MYH10: variants seen among roughly 807,000 people sequenced by gnomAD.
MYH10 encodes the protein myosin-10.
A neutral mutation model predicts 257.8 loss-of-function variants in MYH10; 55 were observed. That is an observed-to-expected ratio of 0.21 (90% confidence interval 0.17 to 0.27). The LOEUF (loss-of-function observed/expected upper bound fraction) is 0.27, where lower values mean the gene tolerates loss of function less well. Ranked by LOEUF, MYH10 falls within the 10% of genes least tolerant of loss-of-function variation. The pLI is 1.00. For synonymous variants in MYH10, 854 were observed against 921.7 expected (o/e 0.93, Z 1.33); for missense variants, 1,631 against 2,500.6 (o/e 0.65, Z 7.42).
chr17:8,590,243 T>C (rs984077908), intron 3 of MYH10, among the ~76,000 whole-genome samples: 17 of 152,212 alleles, frequency 1.1e-4, no homozygotes, highest in African/African-American at 4.1e-4. Flanking sequence ...AACAAATCCA[T>C]TCATATACTC....
chr17:8,619,811 A>C (rs2085398668), intron 2 of MYH10, among the ~76,000 whole-genome samples: 1 of 152,082 alleles, frequency 6.6e-6, no homozygotes, highest in African/African-American at 2.4e-5. Flanking sequence ...CTGTAATCCT[A>C]GCTGATAGGG....
At chr17:8,618,951 T>A (rs1054682094) in intron 2 of MYH10, among the ~76,000 whole-genome samples, 2 of 152,362 alleles carry the variant, frequency 1.3e-5, no homozygotes, top group African/African-American at 4.8e-5. Flanking sequence ...CTCGTTTTGT[T>A]CATTTTCAAG....
chr17:8,620,940 G>A (rs1293912907), intron 2 of MYH10, among the ~76,000 whole-genome samples: 1 of 152,172 alleles, frequency 6.6e-6, no homozygotes, highest in East Asian at 1.9e-4. Context: ...CATGAGTTAA[G>A]TTGGAAAAAA....
intron 12 of MYH10, 49 bp downstream of exon 12, chr17:8,546,495 T>C (rs1567878898): frequency 3.4e-6 from 5 of 1,477,568 alleles, no homozygotes; most frequent in African/African-American, 2.8e-5. Flanking sequence ...CAAATGGCCA[T>C]GGCTTATCAT....
At chr17:8,513,181 T>C (rs2081354701) in intron 23 of MYH10, among the ~76,000 whole-genome samples, 1 of 152,214 alleles carries the variant, frequency 6.6e-6, no homozygotes, top group African/African-American at 2.4e-5. Flanking sequence ...CTCAAGCATC[T>C]CGTCCTTTGA....
chr17:8,622,754 A>G (rs1267619852), intron 2 of MYH10, 148 bp downstream of exon 2: 12 of 983,086 alleles, frequency 1.2e-5, no homozygotes, highest in Non-Finnish European at 1.8e-5. Context: ...TGGGTAAGCA[A>G]GCAACAAATC....
Position 8,545,443 on chromosome 17 carries a change from A to G in MYH10, c.1431+5T>C. ...GACGAGCTAGAGGAAGAGGGGGAAG[A>G]ATACCTCAAAAATTTCAAATCCAGC... On this transcript the variant is annotated splice_donor_5th_base_variant and intron_variant, in intron 13 of 42. Transcript: ENST00000360416. This position sits in a 1 kb window ranked among gnomAD's most constrained non-coding sequence, Gnocchi z 4.7. The G allele has an allele frequency of 6.2e-7, 1 of 1,612,780 alleles. No individual in the cohort carries two copies. Among genetic ancestry groups the G allele is most frequent in the Non-Finnish European group, 8.5e-7 (1 of 1,179,692 alleles).
intron 16 of MYH10, among the ~76,000 whole-genome samples, chr17:8,532,954 T>C (rs1023871664): frequency 9.9e-5 from 15 of 152,220 alleles, no homozygotes; most frequent in Admixed American, 7.2e-4. Context: ...AGAATAAATA[T>C]GTAATAAAGG....
At chr17:8,596,027 C>T (rs2084355840) in intron 3 of MYH10, among the ~76,000 whole-genome samples, 1 of 151,976 alleles carries the variant, frequency 6.6e-6, no homozygotes, top group Non-Finnish European at 1.5e-5. Flanking sequence ...TATTATTTTG[C>T]TACTTTGAGA....
At chr17:8,509,982 T>G (rs550010935) in intron 24 of MYH10, 33 bp from the exon 25 acceptor site, 13 of 1,550,064 alleles carry the variant, frequency 8.4e-6, no homozygotes, top group Admixed American at 2.0e-5. Flanking sequence ...TCTCGCCACT[T>G]TCTCGAGATT....
At chr17:8,500,139 T>C (rs1026295775) in intron 29 of MYH10, among the ~76,000 whole-genome samples, 1 of 152,132 alleles carries the variant, frequency 6.6e-6, no homozygotes, top group South Asian at 2.1e-4. Flanking sequence ...AAATGTTCCG[T>C]AAATGCTAAT....
intron 2 of MYH10, among the ~76,000 whole-genome samples, chr17:8,614,047 G>GA (rs1198313837): frequency 2.0e-5 from 3 of 152,126 alleles, no homozygotes; most frequent in Non-Finnish European, 4.4e-5. Flanking sequence ...GCTTCAGCAT[G>GA]TACACAGCAA....
chr17:8,612,119 C>T (rs141573705), intron 2 of MYH10, among the ~76,000 whole-genome samples: 4 of 152,340 alleles, frequency 2.6e-5, no homozygotes, highest in African/African-American at 4.8e-5. Flanking sequence ...ATTATCCCTT[C>T]GTCCAGCATC....
chr17:8,542,924 C>T (rs575015831), intron 13 of MYH10, among the ~76,000 whole-genome samples: 27 of 152,258 alleles, frequency 1.8e-4, no homozygotes, highest in African/African-American at 6.5e-4. Flanking sequence ...CTTTGCAATA[C>T]CAAAAGTGAT....
intron 16 of MYH10, among the ~76,000 whole-genome samples, chr17:8,532,305 T>C (rs549604117): frequency 1.3e-5 from 2 of 152,288 alleles, no homozygotes; most frequent in African/African-American, 4.8e-5. Flanking sequence ...GGGCCATAAA[T>C]AGGGCTGTGC....
At chr17:8,537,887 T>C (rs903039893) in intron 14 of MYH10, among the ~76,000 whole-genome samples, 5 of 152,204 alleles carry the variant, frequency 3.3e-5, no homozygotes, top group African/African-American at 9.6e-5. Context: ...GCTGTAAGCT[T>C]AGAAGCCTGT....
chr17:8,485,894 T>C (rs1351173256), intron 36 of MYH10, among the ~76,000 whole-genome samples: 2 of 152,208 alleles, frequency 1.3e-5, no homozygotes, highest in Non-Finnish European at 2.9e-5. Context: ...AGAGGCATTA[T>C]TCAGAAGTCA....
In MYH10 at chr17:8,622,889, A is replaced by G; in HGVS notation, c.345+13T>C. On this transcript the variant is annotated intron_variant, in intron 2 of 42. Coordinates refer to ENST00000360416, the MANE Select transcript of MYH10 (RefSeq NM_001256012.3). ...GCTACCACTTCACATGATTATTTGG[A>G]AGAAATACTTACATAGATTAGTCCT... The G allele has an allele frequency of 6.2e-7, 1 of 1,609,614 alleles. No homozygotes were observed. Among genetic ancestry groups the G allele is most frequent in the Non-Finnish European group, 8.5e-7 (1 of 1,178,348 alleles).
rs1415240612 is a variant in MYH10 at position 8,604,900 on chromosome 17, C to A, written c.428G>T (p.Arg143Ile). 2 of 1,602,796 alleles carry A rather than the reference C, an allele frequency of 1.2e-6. No individual in the cohort carries two copies. The highest frequency in any genetic ancestry group is 1.7e-5 in the Admixed American group (1 of 59,684). Residue 143 changes from arginine to isoleucine, a missense_variant, in exon 3 of 43, where the codon AGA becomes ATA. Transcript: ENST00000360416. ...IYSENIIEMY[R>I]GKKRHEMPPH... ...AGGCATCTCATGACGCTTCTTCCCT[C>A]TGTACATTTCAATAATATTCTCAGA...
Sources: gnomAD v4.1 joint callset for allele counts (sites outside exome capture counted in the v4.1 genomes callset) on GRCh38, gnomAD v4.1.1 for gene constraint, Gnocchi (gnomAD v3.1) non-coding constraint, MANE v1.5 for transcripts, NCBI Gene and HGNC (gene_info 2026-07-23, HGNC 2026-07-21) for gene names.